The following KANK1 variants were observed in gnomAD, a reference collection of about 807,000 sequenced individuals.
KANK1 encodes the protein KN motif and ankyrin repeat domain-containing protein 1.
KANK1 carries 109 observed loss-of-function variants against 106.2 expected under a neutral mutation model. The observed-to-expected ratio is 1.03, with a 90% confidence interval of 0.88 to 1.20. The LOEUF is 1.20. KANK1 is among the 50% of genes most tolerant of loss of function. The pLI is 0.00. For synonymous variants in KANK1, 873 were observed against 652.2 expected (o/e 1.34, Z -5.16); for missense variants, 2,399 against 1,710.7 (o/e 1.40, Z -7.10).
chr9:705,858 C>G (rs532653060), intron 2 of KANK1, among the ~76,000 whole-genome samples: 11 of 152,108 alleles, frequency 7.2e-5, no homozygotes, highest in African/African-American at 2.2e-4. Flanking sequence ...TCCTCGGTCT[C>G]CCAAAGTGCT....
intron 1 of KANK1, among the ~76,000 whole-genome samples, chr9:513,531 A>G (rs1012125735): frequency 6.6e-6 from 1 of 152,342 alleles, no homozygotes; most frequent in East Asian, 1.9e-4. Flanking sequence ...TCCAAGAAAC[A>G]TATAAGAACC....
At chr9:521,724 C>T (rs1463619665) in intron 1 of KANK1, among the ~76,000 whole-genome samples, 5 of 151,242 alleles carry the variant, frequency 3.3e-5, no homozygotes, top group Non-Finnish European at 7.4e-5. Context: ...TGCGCCACCA[C>T]GCGTGGCTGA....
chr9:573,682 A>G (rs1041372759), intron 1 of KANK1, among the ~76,000 whole-genome samples: 6 of 152,092 alleles, frequency 3.9e-5, no homozygotes, highest in Non-Finnish European at 8.8e-5. Flanking sequence ...TCTTAAAGAA[A>G]ATGTTAAAAT....
intron 3 of KANK1, among the ~76,000 whole-genome samples, chr9:716,108 C>G (rs1827625416): frequency 6.6e-6 from 1 of 152,162 alleles, no homozygotes; most frequent in Admixed American, 6.5e-5. Flanking sequence ...GGGTCTGACA[C>G]CTACCAAAAA....
At chr9:542,030 A>G (rs999873827) in intron 1 of KANK1, among the ~76,000 whole-genome samples, 3 of 151,828 alleles carry the variant, frequency 2.0e-5, no homozygotes, top group East Asian at 3.9e-4. Context: ...CGGAGCTTGC[A>G]GTGAGCCGAG....
At chr9:549,101 C>G (rs573774923) in intron 1 of KANK1, 22 of 151,060 alleles carry the variant, frequency 1.5e-4, no homozygotes, top group African/African-American at 5.4e-4. Context: ...TCTACTTCTT[C>G]CACAGAAAAA....
intron 1 of KANK1, among the ~76,000 whole-genome samples, chr9:586,600 G>C (rs1454543935): frequency 6.6e-6 from 1 of 152,176 alleles, no homozygotes; most frequent in Non-Finnish European, 1.5e-5. Flanking sequence ...GAAAAGCCAT[G>C]TGTGTGTTAT....
chr9:603,137 A>G (rs1024575200), intron 1 of KANK1, among the ~76,000 whole-genome samples: 1 of 151,838 alleles, frequency 6.6e-6, no homozygotes, highest in Non-Finnish European at 1.5e-5. Flanking sequence ...GATTTGAAAG[A>G]TGAATCTTTT....
intron 1 of KANK1, among the ~76,000 whole-genome samples, chr9:614,280 C>G (rs1273543887): frequency 3.3e-5 from 5 of 152,128 alleles, no homozygotes; most frequent in Non-Finnish European, 5.9e-5. Flanking sequence ...TAAATTGTTT[C>G]TAGCATGAAA....
intron 3 of KANK1, among the ~76,000 whole-genome samples, chr9:492,742 T>A (rs2058397620): frequency 6.6e-6 from 1 of 152,084 alleles, no homozygotes; most frequent in Non-Finnish European, 1.5e-5. Context: ...TTAATAGTTG[T>A]GGCCAGGTGC....
chr9:572,130 T>G (rs1819340461), intron 1 of KANK1, among the ~76,000 whole-genome samples: 1 of 151,158 alleles, frequency 6.6e-6, no homozygotes. Context: ...ACTCTTAACT[T>G]ATGGTTGTAA....
In KANK1 at chr9:672,107, A is replaced by G. The variant is rs138453873; in HGVS notation, c.-83-4783A>G. 3.1e-4 allele frequency among the ~76,000 whole-genome samples: 47 copies of G among 152,296 alleles called. 1 individual carries two copies. Among genetic ancestry groups the G allele is most frequent in the African/African-American group, 1.1e-3 (47 of 41,554 alleles). ...CCCTAAGTTCTCATTTGTTAAAACA[A>G]TAGTGCCCTTACTCTAAATCACATA... On this transcript the variant is annotated intron_variant, in intron 1 of 11. Transcript: ENST00000382297.
At chr9:606,290 C>CAATATGTCAGTGCTTTCTTATGACAGT (rs1829138237) in intron 1 of KANK1, among the ~76,000 whole-genome samples, 85 of 139,626 alleles carry the variant, frequency 6.1e-4, no homozygotes, top group African/African-American at 2.7e-3. Context: ...GGGGCGGTGG[C>CAATATGTCAGTGCTTTCTTATGACAGT]TCACACCTGA....
chr9:660,161 C>T (rs1196411161), intron 1 of KANK1: 2 of 316,408 alleles, frequency 6.3e-6, no homozygotes, highest in Non-Finnish European at 1.3e-5. Flanking sequence ...TAAAAAGAAA[C>T]CAATGAAGGC....
chr9:744,121 A>G (rs564366425), intron 10 of KANK1, among the ~76,000 whole-genome samples: 3 of 152,256 alleles, frequency 2.0e-5, no homozygotes, highest in South Asian at 4.2e-4. Flanking sequence ...GAGGAAAGGT[A>G]AAAGATCTTT....
At chr9:518,163 G>T (rs1015126247) in intron 1 of KANK1, among the ~76,000 whole-genome samples, 1 of 151,914 alleles carries the variant, frequency 6.6e-6, no homozygotes, top group Admixed American at 6.5e-5. Flanking sequence ...TGCTAAAGGG[G>T]CTTGAAGTTT....
intron 3 of KANK1, among the ~76,000 whole-genome samples, chr9:482,846 G>GGAAT (rs1280920237): frequency 8.2e-6 from 1 of 122,552 alleles, no homozygotes; most frequent in African/African-American, 5.3e-5. Flanking sequence ...GAAAATTCCA[G>GGAAT]AAATAATTCA....
At chr9:580,007 G>A (rs1821619134) in intron 1 of KANK1, among the ~76,000 whole-genome samples, 1 of 152,158 alleles carries the variant, frequency 6.6e-6, no homozygotes, top group East Asian at 1.9e-4. Context: ...CAGACTTCAA[G>A]AATGAAGCCA....
In KANK1 at chr9:672,617, A is replaced by G. The variant is rs141231936; in HGVS notation, c.-83-4273A>G. ...GCATTTGATAGTTTAGCAGTGCTAG[A>G]GTATATATCAAATCTCAATTTTATC... On this transcript the variant is annotated intron_variant, in intron 1 of 11. Coordinates refer to ENST00000382297, the MANE Select transcript of KANK1 (RefSeq NM_015158.5). 1.6e-3 allele frequency among the ~76,000 whole-genome samples: 245 copies of G among 152,322 alleles called. 2 individuals carry two copies. The highest frequency in any genetic ancestry group is 5.6e-3 in the African/African-American group (232 of 41,570).
Sources: gnomAD v4.1 joint callset for allele counts (sites outside exome capture counted in the v4.1 genomes callset) on GRCh38, gnomAD v4.1.1 for gene constraint, MANE v1.5 for transcripts, NCBI Gene and HGNC (gene_info 2026-07-23, HGNC 2026-07-21) for gene names.